The following CDH18 variants were observed in gnomAD, a reference collection of about 807,000 sequenced individuals.
CDH18 encodes cadherin-18.
In CDH18, 31 loss-of-function variants were observed where a neutral mutation model predicts 67.9. That is an observed-to-expected ratio of 0.46 (90% CI 0.34 to 0.62). CDH18 has a LOEUF of 0.62. CDH18 is among the 20% of genes least tolerant of loss of function. CDH18 has a pLI of 0.01. For synonymous variants in CDH18, 362 were observed against 347.2 expected, an observed-to-expected ratio of 1.04 and a Z score of -0.48; for missense variants, 890 against 975.5, an observed-to-expected ratio of 0.91 and a Z score of 1.17.
rs1737632488 is a variant in CDH18, at chr5:19,471,372, T to G, written c.*1854A>C. On this transcript the variant is annotated 3_prime_UTR_variant, in exon 13 of 13. Coordinates refer to ENST00000382275, the MANE Select transcript of CDH18 (RefSeq NM_004934.5). Reference sequence around the variant, plus strand: ...TGAGAATTATTCAAATTAAGCTTACTTACTTCCCATACCTCAAATTATAAT... The same window carrying G: ...TGAGAATTATTCAAATTAAGCTTACGTACTTCCCATACCTCAAATTATAAT... 6.6e-6 allele frequency among the ~76,000 whole-genome samples: 1 copy of G among 152,106 alleles called. No individual in the cohort carries two copies. Among genetic ancestry groups the G allele is most frequent in the Non-Finnish European group, 1.5e-5 (1 of 68,014 alleles).
At chr5:19,839,713 T>C (rs1000531634) in intron 2 of CDH18, among the ~76,000 whole-genome samples, 1 of 151,974 alleles carries the variant, frequency 6.6e-6, no homozygotes, top group African/African-American at 2.4e-5. Flanking sequence ...GGGGAACAGA[T>C]TGGTAAAGTT....
intron 1 of CDH18, among the ~76,000 whole-genome samples, chr5:20,483,818 T>C (rs959143257): frequency 1.3e-5 from 2 of 151,974 alleles, no homozygotes; most frequent in African/African-American, 4.8e-5. Flanking sequence ...GACCTCAAAC[T>C]ATGAAACTAG....
At chr5:20,365,267 C>A (rs539285245) in intron 1 of CDH18, among the ~76,000 whole-genome samples, 1 of 152,220 alleles carries the variant, frequency 6.6e-6, no homozygotes, top group East Asian at 1.9e-4. Context: ...TCTCTATTTT[C>A]AAGGCTTATC....
chr5:19,865,128 G>A (rs1785343996), intron 2 of CDH18, among the ~76,000 whole-genome samples: 1 of 151,944 alleles, frequency 6.6e-6, no homozygotes, highest in Admixed American at 6.6e-5. Flanking sequence ...GGATGATTTC[G>A]CTTTACAAAA....
chr5:19,652,295 T>G (rs1376944172), intron 5 of CDH18, among the ~76,000 whole-genome samples: 1 of 152,076 alleles, frequency 6.6e-6, no homozygotes, highest in Non-Finnish European at 1.5e-5. Flanking sequence ...TGAGAGAAAT[T>G]AGCAAGAGGA....
At chr5:19,944,947 C>T (rs926408951) in intron 2 of CDH18, among the ~76,000 whole-genome samples, 16 of 152,112 alleles carry the variant, frequency 1.1e-4, no homozygotes, top group African/African-American at 3.9e-4. Flanking sequence ...CCTACAACCT[C>T]AAATCATCAG....
intron 1 of CDH18, among the ~76,000 whole-genome samples, chr5:20,353,174 C>T (rs930598823): frequency 2.0e-5 from 3 of 152,114 alleles, no homozygotes; most frequent in African/African-American, 7.2e-5. Context: ...TTACTTACAA[C>T]AGCCTCCACT....
At chr5:20,464,439 T>G (rs531750694) in intron 1 of CDH18, among the ~76,000 whole-genome samples, 1 of 146,348 alleles carries the variant, frequency 6.8e-6, no homozygotes, top group Non-Finnish European at 1.5e-5. Context: ...TTTTGTTCAT[T>G]GAGAATTTGT....
At chr5:19,592,995 G>C (rs1745419917) in intron 6 of CDH18, among the ~76,000 whole-genome samples, 1 of 151,920 alleles carries the variant, frequency 6.6e-6, no homozygotes. Context: ...GTTGCGTATT[G>C]CAAGATCTCT....
At chr5:19,675,160 G>A (rs1759299790) in intron 5 of CDH18, among the ~76,000 whole-genome samples, 1 of 152,068 alleles carries the variant, frequency 6.6e-6, no homozygotes, top group Non-Finnish European at 1.5e-5. Context: ...GTGGGTCACA[G>A]AGATCACATG....
intron 1 of CDH18, among the ~76,000 whole-genome samples, chr5:20,531,738 G>A (rs929816941): frequency 1.3e-5 from 2 of 152,018 alleles, no homozygotes; most frequent in African/African-American, 4.8e-5. Context: ...GGGCCTGTTG[G>A]GGGAGGGCAG....
At chr5:20,194,923 A>C (rs1435885919) in intron 2 of CDH18, among the ~76,000 whole-genome samples, 1 of 152,058 alleles carries the variant, frequency 6.6e-6, no homozygotes, top group Non-Finnish European at 1.5e-5. Context: ...TAGTTAAAAT[A>C]GTCAGATTCT....
In CDH18 at chr5:20,092,255, TAC is replaced by T. The variant is rs1227388314; in HGVS notation, c.-517-100243_-517-100242del. Among the ~76,000 whole-genome samples the T allele has an allele frequency of 3.9e-5, 6 of 152,262 alleles. No individual in the cohort carries two copies. The East Asian group carries it at 1.2e-3, about 29-fold the overall frequency. On this transcript the variant is annotated intron_variant, in intron 2 of 14. Coordinates refer to the CDH18 transcript ENST00000507958. ...ACTCAATGCAAAATAAGCTTTTTAC[TAC>T]AGTGGAAAAGATTACCCTCCCTTTG... is the stretch of plus-strand genomic sequence containing the variant.
At chr5:19,687,911 C>T (rs1484400063) in intron 5 of CDH18, among the ~76,000 whole-genome samples, 1 of 152,158 alleles carries the variant, frequency 6.6e-6, no homozygotes, top group Non-Finnish European at 1.5e-5. Context: ...ATGAACAGTA[C>T]CAAGAGGCCT....
At chr5:19,497,304 C>A (rs1037489410) in intron 11 of CDH18, among the ~76,000 whole-genome samples, 3 of 152,276 alleles carry the variant, frequency 2.0e-5, no homozygotes, top group African/African-American at 4.8e-5. Context: ...TCAACCAAAG[C>A]TGTATGTGTA....
intron 1 of CDH18, among the ~76,000 whole-genome samples, chr5:20,448,552 A>G (rs1261257787): frequency 6.6e-6 from 1 of 152,186 alleles, no homozygotes; most frequent in Non-Finnish European, 1.5e-5. Flanking sequence ...AAAATTATGT[A>G]GAAAGTTTAG....
chr5:20,104,955 C>G (rs538449000), intron 2 of CDH18, among the ~76,000 whole-genome samples: 1 of 151,994 alleles, frequency 6.6e-6, no homozygotes, highest in Non-Finnish European at 1.5e-5. Context: ...ATCCAATTTC[C>G]GTATTTCTGA....
At chr5:20,092,000 T>C (rs147997620) in intron 2 of CDH18, among the ~76,000 whole-genome samples, 4 of 152,296 alleles carry the variant, frequency 2.6e-5, no homozygotes, top group East Asian at 1.9e-4. Flanking sequence ...TTTGGAACCA[T>C]AGACAAAAAT....
At chr5:20,504,832 A>G (rs1754560192) in intron 1 of CDH18, among the ~76,000 whole-genome samples, 2 of 125,394 alleles carry the variant, frequency 1.6e-5, no homozygotes, top group Admixed American at 1.1e-4. Flanking sequence ...CAGTGGCGCT[A>G]TCTCAGCTCA....
Sources: allele counts gnomAD v4.1 joint callset (sites outside exome capture counted in the v4.1 genomes callset), GRCh38; gene constraint gnomAD v4.1.1; transcripts MANE v1.5; gene names NCBI Gene and HGNC (gene_info 2026-07-23, HGNC 2026-07-21).